PRICKLE2: variants seen among roughly 807,000 people sequenced by gnomAD.
The protein encoded by PRICKLE2 is prickle-like protein 2.
Under a neutral mutation model 81.4 loss-of-function variants are expected in PRICKLE2, and 21 were observed. The observed-to-expected ratio is 0.26, with a 90% CI of 0.18 to 0.37. PRICKLE2 has a LOEUF of 0.37. Ranked by LOEUF, PRICKLE2 falls within the 10% of genes least tolerant of loss-of-function variation. The probability of loss-of-function intolerance (pLI) is 1.00; values close to 1 mark genes in which losing one functional copy is unlikely to be tolerated. For synonymous variants in PRICKLE2, 456 were observed against 421.5 expected, an observed-to-expected ratio of 1.08 and a Z score of -1.00; for missense variants, 940 against 1,109.0, an observed-to-expected ratio of 0.85 and a Z score of 2.16.
intron 2 of PRICKLE2, among the ~76,000 whole-genome samples, chr3:64,265,627 G>A (rs934798440): frequency 1.1e-4 from 17 of 152,206 alleles, no homozygotes; most frequent in Admixed American, 7.2e-4. Context: ...GCCTCTTACC[G>A]TCTTTTCATT....
intron 1 of PRICKLE2, chr3:64,199,229 C>A (rs2078523102): frequency 1.7e-6 from 1 of 585,170 alleles, no homozygotes; most frequent in South Asian, 2.1e-5. Context: ...CCAGCCTTCT[C>A]TTCTAAATCA....
intron 7 of PRICKLE2, among the ~76,000 whole-genome samples, chr3:64,109,757 C>T (rs2106950529): frequency 6.6e-6 from 1 of 152,292 alleles, no homozygotes; most frequent in South Asian, 2.1e-4. Flanking sequence ...TCTTGGTTTT[C>T]CCAACAATAG....
Position 64,157,349 on chromosome 3 carries a change from T to A in PRICKLE2, c.413A>T (p.Asn138Ile), listed in dbSNP as rs1247504361. The stretch of plus-strand genomic sequence containing the variant: ...CGCAAACACAGCGATGTCTCCACCA[T>A]TGATCTGGCCTCCGCACTGTGAGGC... ...AICEQCGGQINGGDIAVFASR... is the reference protein window; with the variant it reads ...AICEQCGGQIIGGDIAVFASR... Residue 138 changes from asparagine to isoleucine, a missense_variant, in exon 5 of 8, where the codon AAT (asparagine) becomes ATT (isoleucine). Asn to Ile is a moderately radical substitution (Grantham distance 149). Around this residue, in one of 2 missense-constraint regions of PRICKLE2, gnomAD observed 270 missense variants for 391.8 expected, o/e 0.69. Coordinates refer to ENST00000638394, the MANE Select transcript of PRICKLE2 (RefSeq NM_198859.4). The A allele has an allele frequency of 6.2e-7, 1 of 1,613,262 alleles. No individual in the cohort carries two copies. Among genetic ancestry groups the A allele is most frequent in the Non-Finnish European group, 8.5e-7 (1 of 1,180,024 alleles).
At position 64,098,910 on chromosome 3, in the gene PRICKLE2, C is replaced by T; in HGVS notation, c.*141G>A. 1.1e-6 allele frequency: 1 copy of T among 883,826 alleles called. No individual in the cohort carries two copies. The highest frequency in any genetic ancestry group is 2.5e-5 in the East Asian group (1 of 40,118). The allele number at this position is 883,826 out of a possible 1,614,324, so 54.7% of individuals were successfully genotyped here. A position where few individuals can be genotyped will look rare whatever the true frequency, so the allele number is the denominator to read the frequency against. ...ACTACCTATTGAGTCAACCTGTAACCTTGCCTCCATCTACTGACAGCATTT... is the reference window on the plus strand; with the variant it reads ...ACTACCTATTGAGTCAACCTGTAACTTTGCCTCCATCTACTGACAGCATTT... On this transcript the variant is annotated 3_prime_UTR_variant, in exon 8 of 8. Coordinates refer to ENST00000638394, the MANE Select transcript of PRICKLE2 (RefSeq NM_198859.4).
intron 7 of PRICKLE2, among the ~76,000 whole-genome samples, chr3:64,115,086 T>C (rs569709347): frequency 1.3e-5 from 2 of 152,200 alleles, no homozygotes; most frequent in Non-Finnish European, 2.9e-5. Flanking sequence ...CAGAATTTCA[T>C]ATCCGGCCAA....
chr3:64,189,135 G>A (rs1192460552), intron 2 of PRICKLE2, among the ~76,000 whole-genome samples: 2 of 152,182 alleles, frequency 1.3e-5, no homozygotes, highest in African/African-American at 4.8e-5. Flanking sequence ...GCCCAGGTAC[G>A]TGACGCTGTC....
chr3:64,233,817 A>C (rs2079140965), intron 2 of PRICKLE2, among the ~76,000 whole-genome samples: 2 of 152,214 alleles, frequency 1.3e-5, no homozygotes, highest in African/African-American at 2.4e-5. Flanking sequence ...CCCTCTAGTA[A>C]GCAGTAGTCA....
intron 7 of PRICKLE2, among the ~76,000 whole-genome samples, chr3:64,124,181 T>A (rs2077072508): frequency 6.6e-6 from 1 of 152,188 alleles, no homozygotes; most frequent in South Asian, 2.1e-4. Context: ...CCCACAACAT[T>A]CCTTTAAGTC....
chr3:64,169,017 T>C (rs1385507288), intron 2 of PRICKLE2, among the ~76,000 whole-genome samples: 1 of 152,108 alleles, frequency 6.6e-6, no homozygotes, highest in Non-Finnish European at 1.5e-5. Flanking sequence ...AATACCCTCA[T>C]TTGACTGAGA....
At chr3:64,113,714 C>T (rs2076887758) in intron 7 of PRICKLE2, among the ~76,000 whole-genome samples, 1 of 152,148 alleles carries the variant, frequency 6.6e-6, no homozygotes, top group Admixed American at 6.5e-5. Context: ...CAAGCCCTGC[C>T]CCTGCCAGCA....
At chr3:64,172,332 T>C (rs1056289276) in intron 2 of PRICKLE2, among the ~76,000 whole-genome samples, 4 of 152,250 alleles carry the variant, frequency 2.6e-5, no homozygotes, top group African/African-American at 9.6e-5. Context: ...TAACTTCATT[T>C]GACAACAGTT....
At chr3:64,149,929 GGA>G in intron 6 of PRICKLE2, among the ~76,000 whole-genome samples, 1 of 151,854 alleles carries the variant, frequency 6.6e-6, no homozygotes, top group South Asian at 2.1e-4. Context: ...ACCCCAAGTG[GGA>G]GACAGGAAAC....
At chr3:64,259,886 A>G (rs1409589606) in intron 2 of PRICKLE2, among the ~76,000 whole-genome samples, 1 of 152,198 alleles carries the variant, frequency 6.6e-6, no homozygotes, top group Non-Finnish European at 1.5e-5. Context: ...CTTCCAGAAC[A>G]GTAAGAGAAT....
At chr3:64,208,706 T>A (rs2078733368) in intron 1 of PRICKLE2, among the ~76,000 whole-genome samples, 1 of 152,188 alleles carries the variant, frequency 6.6e-6, no homozygotes, top group Non-Finnish European at 1.5e-5. Context: ...ACTTAATTTA[T>A]CTCATTTCTC....
rs1325849217 is a variant in PRICKLE2, at chr3:64,092,591, G to A, written c.*6460C>T. ...TGAATTTACATGCTGCCTTGGTCCTGGCTCCCAGTCAGTGTTAATGCTGCC... is the reference window on the plus strand; with the variant it reads ...TGAATTTACATGCTGCCTTGGTCCTAGCTCCCAGTCAGTGTTAATGCTGCC... On this transcript the variant is annotated 3_prime_UTR_variant, in exon 8 of 8. Coordinates refer to ENST00000638394, the MANE Select transcript of PRICKLE2 (RefSeq NM_198859.4). The A allele has an allele frequency of 6.6e-6, 1 of 152,226 alleles. No individual in the cohort carries two copies. Among genetic ancestry groups the A allele is most frequent in the Non-Finnish European group, 1.5e-5 (1 of 68,058 alleles). The allele number at this position is 152,226 out of a possible 1,614,324, so 9.4% of individuals were successfully genotyped here.
chr3:64,249,315 G>A (rs2079407969), intron 2 of PRICKLE2, among the ~76,000 whole-genome samples: 1 of 152,174 alleles, frequency 6.6e-6, no homozygotes, highest in African/African-American at 2.4e-5. Context: ...ACTATCACAA[G>A]AAGAGCAAGG....
intron 2 of PRICKLE2, among the ~76,000 whole-genome samples, chr3:64,173,646 A>G (rs530050607): frequency 6.6e-6 from 1 of 152,336 alleles, no homozygotes; most frequent in Non-Finnish European, 1.5e-5. Flanking sequence ...TCTTTTAAAA[A>G]GTAAAAAGAG....
chr3:64,218,356 CATATA>C (rs1455233531), intron 1 of PRICKLE2, among the ~76,000 whole-genome samples: 2 of 152,182 alleles, frequency 1.3e-5, no homozygotes, highest in African/African-American at 4.8e-5. Context: ...TGTAATTGTA[CATATA>C]ATATAATTAC....
At chr3:64,179,023 C>A (rs1415889919) in intron 2 of PRICKLE2, among the ~76,000 whole-genome samples, 8 of 127,996 alleles carry the variant, frequency 6.3e-5, no homozygotes, top group African/African-American at 2.1e-4. Flanking sequence ...TTCTTTCTTT[C>A]TTTCTTTCTT....
Sources: allele counts gnomAD v4.1 joint callset (sites outside exome capture counted in the v4.1 genomes callset), GRCh38; gene constraint gnomAD v4.1.1; regional missense constraint gnomAD v4.1.1; transcripts MANE v1.5; gene names NCBI Gene and HGNC (gene_info 2026-07-23, HGNC 2026-07-21).